PABPC1L: variants seen among roughly 807,000 people sequenced by gnomAD.
The protein encoded by PABPC1L is poly(A) binding protein cytoplasmic 1 like.
PABPC1L carries 31 observed loss-of-function variants against 66.6 expected under a neutral mutation model. The observed-to-expected ratio is 0.47, with a 90% CI of 0.35 to 0.63. The LOEUF (loss-of-function observed/expected upper bound fraction) is 0.63, where lower values mean the gene tolerates loss of function less well. Ranked by LOEUF, PABPC1L falls within the 20% of genes least tolerant of loss-of-function variation. PABPC1L has a pLI of 0.00. For synonymous variants in PABPC1L, 348 were observed against 335.1 expected, an observed-to-expected ratio of 1.04 and a Z score of -0.42; for missense variants, 722 against 848.8, an observed-to-expected ratio of 0.85 and a Z score of 1.86.
At chr20:44,925,210 C>CAAA (rs34623911) in intron 7 of PABPC1L, among the ~76,000 whole-genome samples, 1,037 of 75,370 alleles carry the variant, frequency 0.014, 25 homozygotes, top group African/African-American at 0.046. Context: ...GACTCTGTCT[C>CAAA]AAAAAAAAAA....
Position 44,910,242 on chromosome 20 carries a change from C to T in PABPC1L, c.99C>T (p.Pro33=). 1 of 1,569,030 alleles carries T rather than the reference C, an allele frequency of 6.4e-7. No homozygotes were observed. The highest frequency in any genetic ancestry group is 8.6e-7 in the Non-Finnish European group (1 of 1,157,234). The change falls in exon 1 of 15, where the codon CCC becomes CCT. Residue 33 remains proline (P), a synonymous_variant. Coordinates refer to ENST00000217073, the MANE Select transcript of PABPC1L (RefSeq NM_001372179.1). ...CCATGCTCTATGAGAAGTTCTCTCC[C>T]GCCGGCCCCATCCTGTCCATCCGCG... ...TEAMLYEKFS[P]AGPILSIRVC...
intron 12 of PABPC1L, among the ~76,000 whole-genome samples, chr20:44,937,524 C>T (rs1239377154): frequency 3.9e-5 from 6 of 152,154 alleles, no homozygotes; most frequent in African/African-American, 9.7e-5. Context: ...AAGTGATTCT[C>T]CTGCCTCAGC....
chr20:44,925,639 A>G (rs1482895922), intron 7 of PABPC1L, among the ~76,000 whole-genome samples: 4 of 152,192 alleles, frequency 2.6e-5, no homozygotes, highest in African/African-American at 9.6e-5. Context: ...TCTTTTGGCT[A>G]CTGAGTCCAG....
At chr20:44,918,823 C>G (rs1568644087) in intron 3 of PABPC1L, 83 bp from the exon 4 acceptor site, 1 of 1,479,486 alleles carries the variant, frequency 6.8e-7, no homozygotes, top group African/African-American at 1.4e-5. Context: ...TGGAGAAGGG[C>G]AGCAGTTGAG....
intron 1 of PABPC1L, among the ~76,000 whole-genome samples, chr20:44,911,435 G>A (rs1049124192): frequency 3.5e-4 from 54 of 152,324 alleles, no homozygotes; most frequent in Admixed American, 1.9e-3. Context: ...TTGCACTCCA[G>A]CCCGGGCAAC....
In PABPC1L at chr20:44,910,090, G is replaced by T. The variant is rs1601103203; in HGVS notation, c.-54G>T. 1 of 1,466,716 alleles carries T rather than the reference G, an allele frequency of 6.8e-7. No individual in the cohort carries two copies. The highest frequency in any genetic ancestry group is 9.2e-7 in the Non-Finnish European group (1 of 1,087,372). The allele number at this position is 1,466,716 out of a possible 1,614,324, so 90.9% of individuals were successfully genotyped here. On this transcript the variant is annotated 5_prime_UTR_variant, in exon 1 of 15. Coordinates refer to ENST00000217073, the MANE Select transcript of PABPC1L (RefSeq NM_001372179.1). ...GGGCTTCCGCCCGGGTGAGCGCGGG[G>T]CTGCTGGGTGACCCGGCTCCTGCTT...
intron 2 of PABPC1L, among the ~76,000 whole-genome samples, chr20:44,916,534 A>G (rs2145557529): frequency 6.6e-6 from 1 of 152,272 alleles, no homozygotes; most frequent in South Asian, 2.1e-4. Context: ...TCGGCCTCCC[A>G]AAGTGCTGGG....
intron 8 of PABPC1L, chr20:44,931,820 A>T (rs934861450): frequency 6.6e-6 from 1 of 152,142 alleles, no homozygotes; most frequent in African/African-American, 2.4e-5. Context: ...TATCTACACT[A>T]TTCTACCCTA....
At chr20:44,924,943 A>G (rs1422916153) in intron 7 of PABPC1L, among the ~76,000 whole-genome samples, 1 of 144,814 alleles carries the variant, frequency 6.9e-6, no homozygotes, top group Non-Finnish European at 1.5e-5. Context: ...GCTGGGCAAT[A>G]TGGCTCACGC....
chr20:44,921,190 C>G (rs1287471256), intron 5 of PABPC1L, among the ~76,000 whole-genome samples: 1 of 143,342 alleles, frequency 7.0e-6, no homozygotes, highest in Non-Finnish European at 1.5e-5. Flanking sequence ...ACTCTTGTTG[C>G]CCAGGCTGGA....
chr20:44,928,709 A>C (rs370439589), intron 7 of PABPC1L, among the ~76,000 whole-genome samples: 1 of 151,844 alleles, frequency 6.6e-6, no homozygotes, highest in African/African-American at 2.4e-5. Flanking sequence ...TTTACAAAAA[A>C]TGAACAAAAT....
chr20:44,929,824 C>T (rs2066837778), intron 7 of PABPC1L, among the ~76,000 whole-genome samples: 1 of 151,856 alleles, frequency 6.6e-6, no homozygotes, highest in Non-Finnish European at 1.5e-5. Flanking sequence ...TATAGCAACC[C>T]TCTGTACTGT....
chr20:44,923,104 T>A (rs2066785608), intron 6 of PABPC1L, among the ~76,000 whole-genome samples: 1 of 152,184 alleles, frequency 6.6e-6, no homozygotes, highest in Non-Finnish European at 1.5e-5. Context: ...ATTCATACAC[T>A]GTTGTGTTTG....
At chr20:44,911,439 G>A (rs2066704205) in intron 1 of PABPC1L, among the ~76,000 whole-genome samples, 1 of 152,126 alleles carries the variant, frequency 6.6e-6, no homozygotes. Flanking sequence ...ACTCCAGCCC[G>A]GGCAACAGAG....
At chr20:44,937,676 A>G (rs1208103584) in intron 12 of PABPC1L, among the ~76,000 whole-genome samples, 1 of 152,148 alleles carries the variant, frequency 6.6e-6, no homozygotes, top group African/African-American at 2.4e-5. Flanking sequence ...CAGCCTCCCA[A>G]AGTACTGTGA....
At chr20:44,911,815 G>A (rs1431681905) in intron 1 of PABPC1L, among the ~76,000 whole-genome samples, 1 of 152,194 alleles carries the variant, frequency 6.6e-6, no homozygotes, top group Non-Finnish European at 1.5e-5. Flanking sequence ...TTTTGCCCCA[G>A]GTATTTATGA....
intron 7 of PABPC1L, among the ~76,000 whole-genome samples, chr20:44,926,444 C>T (rs542523487): frequency 6.6e-6 from 1 of 151,876 alleles, no homozygotes; most frequent in African/African-American, 2.4e-5. Context: ...CCGGGCTGGT[C>T]TCAAACTCCT....
chr20:44,936,620 T>C lies in PABPC1L; in HGVS notation c.1567-17T>C. On this transcript the variant is annotated splice_polypyrimidine_tract_variant and intron_variant, in intron 11 of 14. Transcript: ENST00000217073. ...CTGTCCATGGTGATTAAGGGATGTGTCCCCGGCACCATGCAGGTCCAGGAG... is the reference window on the plus strand; with the variant it reads ...CTGTCCATGGTGATTAAGGGATGTGCCCCCGGCACCATGCAGGTCCAGGAG... 6.4e-7 allele frequency: 1 copy of C among 1,562,508 alleles called. No homozygotes were observed. The highest frequency in any genetic ancestry group is 8.7e-7 in the Non-Finnish European group (1 of 1,152,444).
chr20:44,923,110 GT>G (rs555606830), intron 6 of PABPC1L, among the ~76,000 whole-genome samples: 13 of 152,334 alleles, frequency 8.5e-5, no homozygotes, highest in African/African-American at 2.9e-4. Context: ...ACACTGTTGT[GT>G]TTGGGAGGTC....
Sources: gnomAD v4.1 joint callset for allele counts (sites outside exome capture counted in the v4.1 genomes callset) on GRCh38, gnomAD v4.1.1 for gene constraint, MANE v1.5 for transcripts, NCBI Gene and HGNC (gene_info 2026-07-23, HGNC 2026-07-21) for gene names.